The following RGS22 variants were observed in gnomAD, a reference collection of about 807,000 sequenced individuals.
The protein encoded by RGS22 is regulator of G protein signaling 22.
In RGS22, 148 loss-of-function variants were observed where a neutral mutation model predicts 172.9. The ratio of observed to expected loss-of-function variants is 0.86; its 90% confidence interval spans 0.75 to 0.98. RGS22 has a LOEUF of 0.98. RGS22 is among the 50% of genes least tolerant of loss of function. The pLI is 0.00. For missense variants in RGS22, 1,347 were observed against 1,440.8 expected, an observed-to-expected ratio of 0.93 and a Z score of 1.05; for synonymous variants, 458 against 480.2, an observed-to-expected ratio of 0.95 and a Z score of 0.60.
intron 23 of RGS22, among the ~76,000 whole-genome samples, chr8:99,972,763 G>T (rs1484213628): frequency 1.3e-5 from 2 of 152,088 alleles, no homozygotes; most frequent in Non-Finnish European, 2.9e-5. Flanking sequence ...GCTGGGCGTG[G>T]TGGCTCACGC....
intron 19 of RGS22, 101 bp from the exon 20 acceptor site, chr8:99,996,631 G>C (rs1171546807): frequency 1.0e-6 from 1 of 988,346 alleles, no homozygotes; most frequent in Admixed American, 2.3e-5. Context: ...GGTTAACTTG[G>C]ACAAGAGATA....
At chr8:100,006,686 C>A (rs938165086) in intron 15 of RGS22, among the ~76,000 whole-genome samples, 4 of 152,152 alleles carry the variant, frequency 2.6e-5, no homozygotes, top group Admixed American at 6.5e-5. Flanking sequence ...TGCCTGAGAA[C>A]TTTCTTTATT....
rs779351929 is a variant in RGS22, at chr8:100,066,136, T to G, written c.724+31A>C. ...AACAAACAAAAACTTAAAGAGAAGT[T>G]CTGAAGTCATTCTTGTCCTTTTCTG... On this transcript the variant is annotated intron_variant, in intron 7 of 27. Coordinates refer to ENST00000360863, the MANE Select transcript of RGS22 (RefSeq NM_015668.5). 1.0e-5 allele frequency: 16 copies of G among 1,601,678 alleles called. No homozygotes were observed. In the South Asian group the frequency reaches 1.7e-4, roughly 17 times the overall value.
chr8:100,060,289 T>G (rs1810004784), intron 9 of RGS22, among the ~76,000 whole-genome samples: 2 of 151,542 alleles, frequency 1.3e-5, no homozygotes, highest in South Asian at 4.2e-4. Context: ...CATCACACTA[T>G]GAGCACAAGG....
chr8:99,991,156 G>A (rs923794220), intron 20 of RGS22, among the ~76,000 whole-genome samples: 4 of 152,210 alleles, frequency 2.6e-5, no homozygotes, highest in Non-Finnish European at 4.4e-5. Context: ...CAAAGATGGG[G>A]AGAAACCAGA....
At chr8:100,085,178 G>GA (rs1379046843) in intron 3 of RGS22, among the ~76,000 whole-genome samples, 8 of 152,046 alleles carry the variant, frequency 5.3e-5, no homozygotes. Context: ...GACGTTCCAG[G>GA]AAAAAAGTCT....
At chr8:100,068,213 C>T (rs533919798) in intron 6 of RGS22, among the ~76,000 whole-genome samples, 2 of 152,056 alleles carry the variant, frequency 1.3e-5, no homozygotes, top group African/African-American at 2.4e-5. Context: ...ACATAGACCC[C>T]GTCTCTACAA....
At chr8:99,991,347 G>A (rs775252219) in intron 20 of RGS22, among the ~76,000 whole-genome samples, 34 of 152,264 alleles carry the variant, frequency 2.2e-4, no homozygotes, top group African/African-American at 7.7e-4. Flanking sequence ...GGAACCCATC[G>A]CAAGGAAGCT....
rs137870439 is a variant in RGS22 at position 100,052,906 on chromosome 8, G to A, written c.1585C>T (p.Leu529Phe). The change falls in exon 10 of 28, where the codon CTC (leucine) becomes TTC (phenylalanine). Residue 529 changes from leucine (L) to phenylalanine (F), a missense_variant. Coordinates refer to ENST00000360863, the MANE Select transcript of RGS22 (RefSeq NM_015668.5). ...TCCTTCCTTGGTTTTGCTTGACGGA[G>A]GTGCCAGAATTTCAGTTCAGCACTA... ...YASAELKFWH[L>F]RQAKPRKDID... 4.3e-6 allele frequency: 7 copies of A among 1,613,964 alleles called. No individual in the cohort carries two copies. Among genetic ancestry groups the A allele is most frequent in the Non-Finnish European group, 5.9e-6 (7 of 1,180,002 alleles).
At chr8:100,036,147 A>G (rs1819444562) in intron 14 of RGS22, among the ~76,000 whole-genome samples, 1 of 151,296 alleles carries the variant, frequency 6.6e-6, no homozygotes, top group African/African-American at 2.4e-5. Context: ...TAAAAGAAAA[A>G]TCTCCAAATT....
At chr8:100,081,252 T>G (rs1305216887) in intron 3 of RGS22, among the ~76,000 whole-genome samples, 1 of 151,998 alleles carries the variant, frequency 6.6e-6, no homozygotes, top group East Asian at 1.9e-4. Context: ...GAACATTAAT[T>G]CAAGTTTTAC....
chr8:100,013,605 A>G (rs1235616754), intron 14 of RGS22, among the ~76,000 whole-genome samples: 5 of 152,104 alleles, frequency 3.3e-5, no homozygotes, highest in Admixed American at 1.3e-4. Flanking sequence ...TGGGCTTTTT[A>G]CCTTCTTAAA....
At chr8:100,009,165 C>T (rs566879455) in intron 14 of RGS22, among the ~76,000 whole-genome samples, 1 of 152,234 alleles carries the variant, frequency 6.6e-6, no homozygotes, top group Non-Finnish European at 1.5e-5. Context: ...TGCCTGCAAT[C>T]CCAGCACTTT....
chr8:99,982,108 G>T lies in RGS22; in HGVS notation c.3189C>A (p.Cys1063Ter). 1 of 1,610,694 alleles carries T rather than the reference G, an allele frequency of 6.2e-7. No individual in the cohort carries two copies. Among genetic ancestry groups the T allele is most frequent in the South Asian group, 1.1e-5 (1 of 90,608 alleles). ...WQEVQKYKDLCHSHCDESVIQ... is the reference protein window; with the variant it reads ...WQEVQKYKDL The stretch of plus-strand genomic sequence containing the variant: ...TGACAGACTCATCACAATGAGAATG[G>T]CACAAGTCCTGAACAGAAGGAAAGA... Residue 1063 changes from cysteine (C) to a stop codon, truncating the protein, a stop_gained, in exon 22 of 28, where the codon TGC becomes TGA. Coordinates refer to ENST00000360863, the MANE Select transcript of RGS22 (RefSeq NM_015668.5). LOFTEE classifies it high-confidence loss of function.
At chr8:99,990,370 C>T (rs1312822421) in intron 20 of RGS22, among the ~76,000 whole-genome samples, 1 of 152,006 alleles carries the variant, frequency 6.6e-6, no homozygotes, top group Non-Finnish European at 1.5e-5. Context: ...GACCCTGTTT[C>T]CCATTTCTTC....
intron 14 of RGS22, among the ~76,000 whole-genome samples, chr8:100,036,885 T>TA (rs771163988): frequency 2.6e-5 from 4 of 152,152 alleles, no homozygotes; most frequent in Non-Finnish European, 4.4e-5. Flanking sequence ...AGGCATGAGC[T>TA]AACACGCCTG....
chr8:100,018,706 G>A (rs1588986298), intron 14 of RGS22, among the ~76,000 whole-genome samples: 2 of 152,020 alleles, frequency 1.3e-5, no homozygotes, highest in African/African-American at 4.8e-5. Flanking sequence ...TTTAAAATAC[G>A]ACATTTCCCA....
At chr8:100,091,152 T>C (rs780816770) in intron 3 of RGS22, among the ~76,000 whole-genome samples, 9 of 152,288 alleles carry the variant, frequency 5.9e-5, no homozygotes, top group Non-Finnish European at 8.8e-5. Context: ...AGTTTGAGAA[T>C]ACATCATTCC....
intron 9 of RGS22, among the ~76,000 whole-genome samples, chr8:100,059,197 C>T (rs1249407881): frequency 1.3e-5 from 2 of 151,936 alleles, no homozygotes; most frequent in African/African-American, 4.8e-5. Context: ...GAGAAAATCA[C>T]ATTCACTAAA....
Sources: gnomAD v4.1 joint callset for allele counts (sites outside exome capture counted in the v4.1 genomes callset) on GRCh38, gnomAD v4.1.1 for gene constraint, MANE v1.5 for transcripts, NCBI Gene and HGNC (gene_info 2026-07-23, HGNC 2026-07-21) for gene names.